ENPP3: variants seen among roughly 807,000 people sequenced by gnomAD.
ENPP3 encodes the protein ectonucleotide pyrophosphatase/phosphodiesterase 3, also known as ectonucleotide pyrophosphatase/phosphodiesterase family member 3.
Under a neutral mutation model 117.8 loss-of-function variants are expected in ENPP3, and 104 were observed. The observed-to-expected ratio is 0.88, with a 90% CI of 0.75 to 1.04. The LOEUF (loss-of-function observed/expected upper bound fraction) is 1.04, where lower values mean the gene tolerates loss of function less well. ENPP3 is among the 50% of genes least tolerant of loss of function. ENPP3 has a pLI of 0.00. For missense variants in ENPP3, 1,026 were observed against 1,051.9 expected (o/e 0.98, Z 0.34); for synonymous variants, 380 against 349.9 (o/e 1.09, Z -0.96).
Position 131,685,379 on chromosome 6 carries a change from A to G in ENPP3, c.1136A>G (p.Tyr379Cys). The G allele has an allele frequency of 6.2e-7, 1 of 1,611,822 alleles. No individual in the cohort carries two copies. The highest frequency in any genetic ancestry group is 8.5e-7 in the Non-Finnish European group (1 of 1,178,022). Residue 379 changes from tyrosine to cysteine, a missense_variant, in exon 13 of 25, where the codon TAT (tyrosine) becomes TGT (cysteine). Physicochemically the swap from Tyr to Cys is radical, Grantham distance 194. Coordinates refer to ENST00000357639, the MANE Select transcript of ENPP3 (RefSeq NM_005021.5). The part of the protein sequence containing the change: ...LLADHGMDQT[Y>C]CNKMEYMTDY... ...TTTTATTCAGGAATGGACCAGACTT[A>G]TTGTAACAAGATGGAATACATGACT...
intron 3 of ENPP3, among the ~76,000 whole-genome samples, chr6:131,651,273 G>A (rs1778256730): frequency 6.6e-6 from 1 of 152,062 alleles, no homozygotes; most frequent in African/African-American, 2.4e-5. Context: ...CAAGTAATGG[G>A]GGTTGGGACT....
chr6:131,671,217 C>T, intron 6 of ENPP3, 31 bp from the exon 7 acceptor site: 2 of 1,271,686 alleles, frequency 1.6e-6, no homozygotes, highest in Non-Finnish European at 2.3e-6. Flanking sequence ...GAAGAAACAA[C>T]TTCCTAATTT....
At chr6:131,722,132 G>A in intron 17 of ENPP3, 95 bp from the exon 18 acceptor site, 3 of 815,538 alleles carry the variant, frequency 3.7e-6, no homozygotes, top group South Asian at 1.7e-5. Context: ...ATTAAAGGGA[G>A]TGAAAGAGTA....
At chr6:131,678,410 T>G (rs992098177) in intron 11 of ENPP3, among the ~76,000 whole-genome samples, 1 of 152,236 alleles carries the variant, frequency 6.6e-6, no homozygotes, top group African/African-American at 2.4e-5. Flanking sequence ...CCTTCTAGGC[T>G]CCCATTGTCA....
intron 21 of ENPP3, 73 bp from the exon 22 acceptor site, chr6:131,737,279 ATAG>A (rs1002759017): frequency 6.2e-6 from 5 of 812,364 alleles, no homozygotes; most frequent in African/African-American, 1.7e-5. Flanking sequence ...TTAATATGTA[ATAG>A]TAGTATGCCT....
At chr6:131,661,915 G>A (rs1341437834) in intron 6 of ENPP3, among the ~76,000 whole-genome samples, 1 of 152,092 alleles carries the variant, frequency 6.6e-6, no homozygotes, top group Non-Finnish European at 1.5e-5. Flanking sequence ...AGTCCTACAT[G>A]TCCATTTTTG....
At chr6:131,641,678 A>C in intron 2 of ENPP3, 148 bp downstream of exon 2, 1 of 529,748 alleles carries the variant, frequency 1.9e-6, no homozygotes, top group Non-Finnish European at 3.4e-6. Flanking sequence ...CACTCTACTT[A>C]TCGGGAGTCC....
At chr6:131,731,164 T>C (rs780645663) in intron 20 of ENPP3, among the ~76,000 whole-genome samples, 1 of 152,164 alleles carries the variant, frequency 6.6e-6, no homozygotes, top group Non-Finnish European at 1.5e-5. Context: ...TACTCTCAGC[T>C]CTCTGAGAAA....
chr6:131,658,232 C>T, intron 5 of ENPP3, 91 bp from the exon 6 acceptor site: 3 of 717,492 alleles, frequency 4.2e-6, no homozygotes, highest in South Asian at 1.6e-5. Flanking sequence ...AATTATTTTA[C>T]CTTAAACACA....
chr6:131,737,641 T>A (rs182329940), intron 22 of ENPP3, among the ~76,000 whole-genome samples: 71 of 152,250 alleles, frequency 4.7e-4, no homozygotes, highest in African/African-American at 1.6e-3. Context: ...AGAATTCTGA[T>A]AATTTGTTTT....
intron 15 of ENPP3, among the ~76,000 whole-genome samples, 180 bp from the exon 16 acceptor site, chr6:131,718,492 T>C (rs1779944650): frequency 1.3e-5 from 2 of 152,086 alleles, no homozygotes. Context: ...AAAATAAATA[T>C]ATTTATTCAT....
intron 7 of ENPP3, among the ~76,000 whole-genome samples, chr6:131,673,879 A>G (rs138077026): frequency 2.8e-4 from 42 of 152,200 alleles, no homozygotes; most frequent in African/African-American, 8.4e-4. Flanking sequence ...ATTAAAATAT[A>G]TAGGAGGGTA....
At chr6:131,692,181 A>G (rs1159747383) in intron 14 of ENPP3, among the ~76,000 whole-genome samples, 1 of 152,086 alleles carries the variant, frequency 6.6e-6, no homozygotes, top group Non-Finnish European at 1.5e-5. Flanking sequence ...AAATAGGAAA[A>G]ATTTCGTTTC....
At chr6:131,691,673 G>C (rs1465311718) in intron 14 of ENPP3, among the ~76,000 whole-genome samples, 2 of 151,710 alleles carry the variant, frequency 1.3e-5, no homozygotes, top group Non-Finnish European at 2.9e-5. Flanking sequence ...CAAATGCAAA[G>C]AATCACCGGT....
intron 1 of ENPP3, among the ~76,000 whole-genome samples, chr6:131,641,143 A>G (rs1435000508): frequency 2.0e-5 from 3 of 152,186 alleles, no homozygotes; most frequent in Non-Finnish European, 4.4e-5. Context: ...AAATGGTTTT[A>G]TGGTTTTAAT....
chr6:131,710,085 C>A (rs753264311), intron 15 of ENPP3: 5 of 1,613,750 alleles, frequency 3.1e-6, no homozygotes. Flanking sequence ...AAGCTCCTTT[C>A]GGAGGATCAT....
chr6:131,691,819 C>T (rs145975043), intron 14 of ENPP3, among the ~76,000 whole-genome samples: 211 of 152,210 alleles, frequency 1.4e-3, no homozygotes, highest in Middle Eastern at 3.4e-3. Flanking sequence ...AAGCTGCATA[C>T]TCAGCAGCTG....
intron 11 of ENPP3, among the ~76,000 whole-genome samples, chr6:131,682,532 T>G (rs1330745872): frequency 6.6e-6 from 1 of 152,264 alleles, no homozygotes; most frequent in African/African-American, 2.4e-5. Flanking sequence ...TTCCTTGCAT[T>G]TAAATTATAA....
At chr6:131,650,531 A>G (rs1166441152) in intron 3 of ENPP3, among the ~76,000 whole-genome samples, 2 of 152,058 alleles carry the variant, frequency 1.3e-5, no homozygotes, top group Non-Finnish European at 2.9e-5. Context: ...GCTGTGTCCA[A>G]ATTTTCACCT....
Sources: allele counts gnomAD v4.1 joint callset (sites outside exome capture counted in the v4.1 genomes callset), GRCh38; gene constraint gnomAD v4.1.1; transcripts MANE v1.5; gene names NCBI Gene and HGNC (gene_info 2026-07-23, HGNC 2026-07-21).